Variants in CADPS2 observed in about 807,000 individuals in gnomAD.
The protein encoded by CADPS2 is calcium dependent secretion activator 2.
CADPS2 carries 93 observed loss-of-function variants against 172.5 expected under a neutral mutation model. That is an observed-to-expected ratio of 0.54 (90% CI 0.46 to 0.64). CADPS2 has a LOEUF of 0.64. CADPS2 is among the 30% of genes least tolerant of loss of function. The pLI is 0.00. For missense variants in CADPS2, 1,420 were observed against 1,565.9 expected, an observed-to-expected ratio of 0.91 and a Z score of 1.57; for synonymous variants, 546 against 555.2, an observed-to-expected ratio of 0.98 and a Z score of 0.23.
chr7:122,555,986 T>C (rs1305377846), intron 7 of CADPS2, among the ~76,000 whole-genome samples: 1 of 152,024 alleles, frequency 6.6e-6, no homozygotes, highest in African/African-American at 2.4e-5. Flanking sequence ...ATTCTCAACT[T>C]GCAAGTTGTT....
chr7:122,511,585 G>A (rs1469664164), intron 9 of CADPS2, among the ~76,000 whole-genome samples: 1 of 152,140 alleles, frequency 6.6e-6, no homozygotes, highest in Non-Finnish European at 1.5e-5. Flanking sequence ...ATTTCCACCA[G>A]TTAAGACCTA....
At chr7:122,781,368 CAA>C (rs930476585) in intron 1 of CADPS2, among the ~76,000 whole-genome samples, 5 of 152,272 alleles carry the variant, frequency 3.3e-5, no homozygotes, top group African/African-American at 1.2e-4. Flanking sequence ...TTCTGCCATT[CAA>C]AAGACTTATT....
In CADPS2 at chr7:122,886,214, G is replaced by A; in HGVS notation, c.124C>T (p.Arg42Trp). The change falls in exon 1 of 30, where the codon CGG (arginine) becomes TGG (tryptophan). Residue 42 changes from arginine (R) to tryptophan (W), a missense_variant. By Grantham distance (101) the Arg-to-Trp change is moderately radical. Coordinates refer to ENST00000449022, the MANE Select transcript of CADPS2 (RefSeq NM_017954.11). ...APPAPTREGR[R>W]DAPGRAGGGG... ...CCGCCCGCGCGCCCCGGCGCGTCCC[G>A]CCGCCCTTCCCGAGTCGGGGCTGGA... The A allele has an allele frequency of 6.8e-7, 1 of 1,476,078 alleles. No individual in the cohort carries two copies. The highest frequency in any genetic ancestry group is 8.9e-7 in the Non-Finnish European group (1 of 1,123,036). 91.4% of individuals were successfully genotyped at this position (1,476,078 alleles called of 1,614,324 possible).
intron 8 of CADPS2, among the ~76,000 whole-genome samples, chr7:122,543,501 G>A (rs1430479373): frequency 6.6e-6 from 1 of 152,008 alleles, no homozygotes; most frequent in South Asian, 2.1e-4. Flanking sequence ...AACATGTGTT[G>A]AATAACTGAT....
chr7:122,494,745 A>G (rs2058596375), intron 9 of CADPS2, among the ~76,000 whole-genome samples: 1 of 152,102 alleles, frequency 6.6e-6, no homozygotes, highest in Non-Finnish European at 1.5e-5. Flanking sequence ...GATTGAGGCC[A>G]GTATCTTGTG....
At chr7:122,531,838 C>T (rs1443141837) in intron 8 of CADPS2, among the ~76,000 whole-genome samples, 1 of 151,978 alleles carries the variant, frequency 6.6e-6, no homozygotes, top group Non-Finnish European at 1.5e-5. Context: ...CAAGACCAGC[C>T]TGGCCAATAT....
chr7:122,638,191 G>A (rs1006988271), intron 3 of CADPS2, among the ~76,000 whole-genome samples: 2 of 152,164 alleles, frequency 1.3e-5, no homozygotes, highest in Admixed American at 1.3e-4. Context: ...CCCTAAGGCA[G>A]AGACTGTGGC....
chr7:122,423,751 C>T (rs887334898), intron 17 of CADPS2, among the ~76,000 whole-genome samples: 6 of 152,186 alleles, frequency 3.9e-5, no homozygotes. Flanking sequence ...CTTGCTAAAA[C>T]ACAAATTGCT....
chr7:122,663,366 T>C lies in CADPS2; in HGVS notation c.657A>G (p.Lys219=). 5.6e-6 allele frequency: 9 copies of C among 1,613,980 alleles called. No homozygotes were observed. The highest frequency in any genetic ancestry group is 7.6e-6 in the Non-Finnish European group (9 of 1,179,892). ...AIYRGEEDLC[K]QPNRMALSAV... is the part of the protein sequence containing the mutation. ...CACTTAGGGCCATTCTATTTGGCTG[T>C]TTGCACAAGTCCTCTTCACCTCTGT... is the stretch of plus-strand genomic sequence containing the variant. The change falls in exon 3 of 30, where the codon AAA becomes AAG. Residue 219 remains lysine, a synonymous_variant. Coordinates refer to ENST00000449022, the MANE Select transcript of CADPS2 (RefSeq NM_017954.11).
intron 27 of CADPS2, among the ~76,000 whole-genome samples, chr7:122,359,181 C>A (rs1238018103): frequency 2.0e-5 from 3 of 152,014 alleles, no homozygotes; most frequent in Non-Finnish European, 4.4e-5. Context: ...AGCCACCACA[C>A]CTCCTGGGAA....
At chr7:122,358,641 G>T (rs930825825) in intron 27 of CADPS2, among the ~76,000 whole-genome samples, 16 of 151,992 alleles carry the variant, frequency 1.1e-4, no homozygotes, top group African/African-American at 3.9e-4. Context: ...GTGAGCCAGC[G>T]CTCTTTTTCT....
intron 1 of CADPS2, among the ~76,000 whole-genome samples, chr7:122,743,870 C>T (rs962892701): frequency 1.3e-5 from 2 of 152,112 alleles, no homozygotes; most frequent in Admixed American, 6.6e-5. Context: ...CAATGCATCC[C>T]AAGCTGTATA....
At chr7:122,541,835 ATGTT>A (rs1480346880) in intron 8 of CADPS2, among the ~76,000 whole-genome samples, 13 of 70,366 alleles carry the variant, frequency 1.8e-4, no homozygotes, top group Admixed American at 1.4e-3. Context: ...ATATATTCAT[ATGTT>A]TATATATTCA....
intron 24 of CADPS2, among the ~76,000 whole-genome samples, chr7:122,384,944 T>G (rs1414785521): frequency 2.6e-5 from 4 of 152,076 alleles, no homozygotes; most frequent in Non-Finnish European, 5.9e-5. Context: ...TTTACTAAAG[T>G]GCCTACTGCA....
At chr7:122,354,581 G>T (rs1240819511) in intron 27 of CADPS2, among the ~76,000 whole-genome samples, 2 of 151,754 alleles carry the variant, frequency 1.3e-5, no homozygotes, top group African/African-American at 4.8e-5. Flanking sequence ...TTTTTTTTTG[G>T]GGGGGAGGGG....
intron 1 of CADPS2, among the ~76,000 whole-genome samples, chr7:122,746,729 T>C (rs1362834112): frequency 6.6e-6 from 1 of 152,130 alleles, no homozygotes; most frequent in East Asian, 1.9e-4. Flanking sequence ...GCATACGACC[T>C]GTGGGCCAGA....
intron 1 of CADPS2, among the ~76,000 whole-genome samples, chr7:122,762,982 G>A (rs1303703361): frequency 6.6e-6 from 1 of 152,090 alleles, no homozygotes; most frequent in African/African-American, 2.4e-5. Flanking sequence ...GGAGGCCTGC[G>A]AAGGTGACCT....
At chr7:122,738,893 A>G (rs370527418) in intron 1 of CADPS2, among the ~76,000 whole-genome samples, 1 of 151,874 alleles carries the variant, frequency 6.6e-6, no homozygotes, top group Non-Finnish European at 1.5e-5. Context: ...GGCAGCGAAG[A>G]AAGAAGACCA....
chr7:122,702,218 T>G lies in CADPS2; in HGVS notation c.453+34737A>C, dbSNP rs1298534668. ...CCACTGCATGTGCATTCTCCCCACT[T>G]CAATGATGACTGTCACATAGACTCC... On this transcript the variant is annotated intron_variant, in intron 2 of 29. Transcript: ENST00000449022. 1.2e-5 allele frequency: 20 copies of G among 1,613,692 alleles called. No homozygotes were observed. The highest frequency in any genetic ancestry group is 1.6e-5 in the Non-Finnish European group (19 of 1,179,800).
Sources: allele counts gnomAD v4.1 joint callset (sites outside exome capture counted in the v4.1 genomes callset), GRCh38; gene constraint gnomAD v4.1.1; transcripts MANE v1.5; gene names NCBI Gene and HGNC (gene_info 2026-07-23, HGNC 2026-07-21).